Variants in INPP4B observed in about 807,000 individuals in gnomAD.
INPP4B encodes the protein inositol polyphosphate 4-phosphatase type II.
In INPP4B, 55 loss-of-function variants were observed where a neutral mutation model predicts 122.5. That is an observed-to-expected ratio of 0.45 (90% CI 0.36 to 0.56). INPP4B has a LOEUF of 0.56. INPP4B is among the 20% of genes least tolerant of loss of function. INPP4B has a pLI of 0.00. For synonymous variants in INPP4B, 403 were observed against 388.7 expected (o/e 1.04, Z -0.43); for missense variants, 1,000 against 1,097.7 (o/e 0.91, Z 1.26).
intron 2 of INPP4B, among the ~76,000 whole-genome samples, chr4:142,498,004 A>T (rs1221067002): frequency 6.6e-6 from 1 of 152,122 alleles, no homozygotes; most frequent in African/African-American, 2.4e-5. Context: ...CAGTCAAAGC[A>T]TATGTTATGC....
chr4:142,364,814 G>GA (rs1445333195), intron 7 of INPP4B, among the ~76,000 whole-genome samples: 3 of 152,078 alleles, frequency 2.0e-5, no homozygotes, highest in Non-Finnish European at 2.9e-5. Flanking sequence ...CCCCAAGAGA[G>GA]AATCAGCTAT....
intron 1 of INPP4B, among the ~76,000 whole-genome samples, chr4:142,786,926 T>C (rs1311410001): frequency 6.6e-6 from 1 of 152,098 alleles, no homozygotes; most frequent in Non-Finnish European, 1.5e-5. Flanking sequence ...TATAATGTGG[T>C]ATCTCGGATA....
chr4:142,544,130 G>GTGTGTGT (rs55638202), intron 2 of INPP4B, among the ~76,000 whole-genome samples: 6,007 of 133,046 alleles, frequency 0.045, 335 homozygotes, highest in Admixed American at 0.064. Context: ...GTGTGTGTGT[G>GTGTGTGT]GTGTGTGTGT....
chr4:142,344,243 C>G (rs1779599067), intron 7 of INPP4B, among the ~76,000 whole-genome samples: 1 of 152,012 alleles, frequency 6.6e-6, no homozygotes, highest in Admixed American at 6.6e-5. Flanking sequence ...TCCTTAGAAG[C>G]AGGGTGCCGT....
chr4:142,423,230 C>T (rs966545347), intron 5 of INPP4B, among the ~76,000 whole-genome samples: 37 of 152,094 alleles, frequency 2.4e-4, no homozygotes, highest in African/African-American at 8.4e-4. Flanking sequence ...TAAAACAATG[C>T]CTGATTTATA....
chr4:142,740,373 G>A (rs1212035355), intron 1 of INPP4B, among the ~76,000 whole-genome samples: 2 of 152,046 alleles, frequency 1.3e-5, no homozygotes, highest in Non-Finnish European at 2.9e-5. Context: ...ATAGACACTA[G>A]TAATTCTAAA....
At chr4:142,181,704 G>A (rs1579197109) in intron 15 of INPP4B, among the ~76,000 whole-genome samples, 1 of 151,952 alleles carries the variant, frequency 6.6e-6, no homozygotes, top group South Asian at 2.1e-4. Flanking sequence ...GAACAACTCC[G>A]AGAAATTTAC....
chr4:142,170,047 GT>G (rs1304634039), intron 16 of INPP4B, among the ~76,000 whole-genome samples: 2 of 151,238 alleles, frequency 1.3e-5, no homozygotes, highest in South Asian at 2.1e-4. Context: ...TCTATTCCTT[GT>G]TTTTTTTCCT....
intron 1 of INPP4B, among the ~76,000 whole-genome samples, chr4:142,793,689 A>G (rs2151071303): frequency 6.6e-6 from 1 of 152,236 alleles, no homozygotes; most frequent in Admixed American, 6.6e-5. Context: ...TCTATTTGTT[A>G]CTAGGATTAA....
chr4:142,029,033 A>ATT (rs895847209), intron 25 of INPP4B, 119 bp from the exon 26 acceptor site: 7 of 1,324,812 alleles, frequency 5.3e-6, no homozygotes, highest in East Asian at 2.8e-5. Flanking sequence ...TCAACTCTAC[A>ATT]TTTTTTTTTT....
intron 9 of INPP4B, among the ~76,000 whole-genome samples, chr4:142,305,122 A>G (rs1320013929): frequency 6.6e-6 from 1 of 152,220 alleles, no homozygotes; most frequent in Non-Finnish European, 1.5e-5. Context: ...ATTTGATTAA[A>G]AAGTAACATT....
chr4:142,176,824 T>G (rs1828528960), intron 15 of INPP4B, among the ~76,000 whole-genome samples: 1 of 152,100 alleles, frequency 6.6e-6, no homozygotes, highest in Non-Finnish European at 1.5e-5. Context: ...TTGACTGAGA[T>G]CCCCTCTAAA....
intron 3 of INPP4B, among the ~76,000 whole-genome samples, chr4:142,457,139 C>A (rs1409766077): frequency 3.3e-5 from 5 of 151,892 alleles, no homozygotes; most frequent in Non-Finnish European, 4.4e-5. Context: ...ACAATCAACT[C>A]ACTATTAATA....
intron 1 of INPP4B, among the ~76,000 whole-genome samples, chr4:142,845,295 G>A (rs958044242): frequency 2.0e-5 from 3 of 152,082 alleles, no homozygotes; most frequent in Non-Finnish European, 2.9e-5. Context: ...TGGGGAGGGG[G>A]AAAAACAGGT....
chr4:142,462,154 T>C (rs1816867418), intron 3 of INPP4B, among the ~76,000 whole-genome samples: 1 of 152,198 alleles, frequency 6.6e-6, no homozygotes, highest in East Asian at 1.9e-4. Context: ...TTAGGTTAAA[T>C]GTCATCTTCC....
intron 1 of INPP4B, among the ~76,000 whole-genome samples, chr4:142,806,851 G>GGA (rs1554013554): frequency 1.4e-5 from 2 of 148,024 alleles, no homozygotes; most frequent in African/African-American, 5.2e-5. Context: ...AAGAAAGAAA[G>GGA]GAGAAGAAAA....
chr4:142,424,357 T>A (rs932760565), intron 5 of INPP4B, among the ~76,000 whole-genome samples: 8 of 152,040 alleles, frequency 5.3e-5, no homozygotes, highest in African/African-American at 1.9e-4. Flanking sequence ...TCTTCTTCAG[T>A]GCATTCAGGT....
At chr4:142,347,605 A>G in intron 7 of INPP4B, 1 of 361,004 alleles carries the variant, frequency 2.8e-6, no homozygotes, top group Non-Finnish European at 5.4e-6. Context: ...CAACTTGGAA[A>G]TATCAAAATA....
At chr4:142,555,687 T>C (rs1490621672) in intron 2 of INPP4B, among the ~76,000 whole-genome samples, 4 of 151,772 alleles carry the variant, frequency 2.6e-5, no homozygotes, top group Non-Finnish European at 5.9e-5. Context: ...GCTAACACGG[T>C]GAAACCCAGT....
Sources: allele counts gnomAD v4.1 joint callset (sites outside exome capture counted in the v4.1 genomes callset), GRCh38; gene constraint gnomAD v4.1.1; transcripts MANE v1.5; gene names NCBI Gene and HGNC (gene_info 2026-07-23, HGNC 2026-07-21).